The following SRPK1 variants were observed in gnomAD, a reference collection of about 807,000 sequenced individuals.
SRPK1 encodes the protein SRSF protein kinase 1.
A neutral mutation model predicts 89.5 loss-of-function variants in SRPK1; 52 were observed. That is an observed-to-expected ratio of 0.58 (90% CI 0.46 to 0.73). The LOEUF (loss-of-function observed/expected upper bound fraction) is 0.73. Among genes scored for constraint, SRPK1 ranks in the 30% least tolerant of loss-of-function variants. SRPK1 has a pLI of 0.00. For missense variants in SRPK1, 603 were observed against 780.6 expected, an observed-to-expected ratio of 0.77 and a Z score of 2.71; for synonymous variants, 255 against 270.2, an observed-to-expected ratio of 0.94 and a Z score of 0.55.
chr6:35,879,361 A>T (rs1288554676), intron 6 of SRPK1, among the ~76,000 whole-genome samples: 2 of 151,958 alleles, frequency 1.3e-5, no homozygotes, highest in African/African-American at 2.4e-5. Flanking sequence ...AGCCTGGGCA[A>T]CATAGCAAGA....
chr6:35,874,013 G>A (rs980174716), intron 7 of SRPK1, among the ~76,000 whole-genome samples: 2 of 150,728 alleles, frequency 1.3e-5, no homozygotes, highest in African/African-American at 4.9e-5. Context: ...ATTTTGAGTA[G>A]AGAGGAGGTT....
chr6:35,839,636 C>T (rs1463322285), intron 14 of SRPK1, among the ~76,000 whole-genome samples: 1 of 135,640 alleles, frequency 7.4e-6, no homozygotes, highest in Admixed American at 7.3e-5. Flanking sequence ...TACTGCCCCC[C>T]CCCTTTTTTT....
chr6:35,917,863 A>G (rs1771145874), intron 2 of SRPK1, among the ~76,000 whole-genome samples: 1 of 152,252 alleles, frequency 6.6e-6, no homozygotes, highest in Admixed American at 6.5e-5. Context: ...GGATATATAC[A>G]TAAGACTGTT....
rs1442421674 is a variant in SRPK1, at chr6:35,863,068, T to C, written c.1513-5700A>G. 2.6e-5 allele frequency among the ~76,000 whole-genome samples: 4 copies of C among 152,120 alleles called. No homozygotes were observed. In the East Asian group the frequency reaches 5.8e-4, roughly 22 times the overall value. Reference sequence around the variant, plus strand: ...CAGGAGGCTGAGCCAGGAGGATCGCTTGAGCCCAGGAGATTGAAGCTGCAG... The same window carrying C: ...CAGGAGGCTGAGCCAGGAGGATCGCCTGAGCCCAGGAGATTGAAGCTGCAG... On this transcript the variant is annotated intron_variant, in intron 12 of 15. Coordinates refer to ENST00000373825, the MANE Select transcript of SRPK1 (RefSeq NM_003137.5).
rs761411483 is a variant in SRPK1 at position 35,834,753 on chromosome 6, T to TA, written c.*550dup. On this transcript the variant is annotated 3_prime_UTR_variant, in exon 16 of 16. Coordinates refer to ENST00000373825, the MANE Select transcript of SRPK1 (RefSeq NM_003137.5). ...CAAATTTGGTGTTCATATAGCTATT[T>TA]AAAAAAGACAGTAGCTTAAAAGTTG... The TA allele has an allele frequency of 6.6e-6, 1 of 152,222 alleles. No individual in the cohort carries two copies. The highest frequency in any genetic ancestry group is 1.9e-4 in the East Asian group (1 of 5,182). The allele number at this position is 152,222 out of a possible 1,614,324, so 9.4% of individuals were successfully genotyped here.
At chr6:35,901,676 T>C (rs921604507) in intron 2 of SRPK1, among the ~76,000 whole-genome samples, 1 of 152,290 alleles carries the variant, frequency 6.6e-6, no homozygotes, top group African/African-American at 2.4e-5. Context: ...CTTATTTAGA[T>C]GTGATGCAAA....
At chr6:35,844,061 G>C (rs1341647327) in intron 13 of SRPK1, among the ~76,000 whole-genome samples, 1 of 144,750 alleles carries the variant, frequency 6.9e-6, no homozygotes, top group Non-Finnish European at 1.5e-5. Context: ...CTGGAGTGCA[G>C]TGGCACAATC....
At position 35,833,117 on chromosome 6, in the gene SRPK1, T is replaced by C. The variant is rs189494916; in HGVS notation, c.*2187A>G. ...TCAGTAGAAAGAATAAAAATGTATT[T>C]AGGGCTTTATTTTTAACTGACAGCA... On this transcript the variant is annotated 3_prime_UTR_variant, in exon 16 of 16. Coordinates refer to ENST00000373825, the MANE Select transcript of SRPK1 (RefSeq NM_003137.5). 7.9e-5 allele frequency: 12 copies of C among 152,758 alleles called. No homozygotes were observed. Among genetic ancestry groups the C allele is most frequent in the African/African-American group, 2.9e-4 (12 of 41,576 alleles). The allele number at this position is 152,758 out of a possible 1,614,324, so 9.5% of individuals were successfully genotyped here.
intron 15 of SRPK1, among the ~76,000 whole-genome samples, chr6:35,837,287 T>G (rs1353717653): frequency 1.3e-5 from 2 of 152,194 alleles, no homozygotes; most frequent in African/African-American, 4.8e-5. Context: ...TGAGATGTAG[T>G]CCCTGCCCTT....
chr6:35,844,662 G>T (rs6910906), intron 13 of SRPK1, among the ~76,000 whole-genome samples: 47,878 of 151,920 alleles, frequency 0.32, 7,776 homozygotes, highest in South Asian at 0.42. Context: ...TTACATTTCA[G>T]TTGTTTATTA....
At chr6:35,880,981 C>T (rs1357434534) in intron 6 of SRPK1, among the ~76,000 whole-genome samples, 1 of 151,872 alleles carries the variant, frequency 6.6e-6, no homozygotes, top group Non-Finnish European at 1.5e-5. Flanking sequence ...GGGATCCTCA[C>T]TAAGATTATC....
intron 2 of SRPK1, among the ~76,000 whole-genome samples, chr6:35,892,497 T>C (rs1465069507): frequency 6.6e-6 from 1 of 151,902 alleles, no homozygotes; most frequent in African/African-American, 2.4e-5. Flanking sequence ...ATTAAAAATA[T>C]AAAAATTAGC....
Position 35,869,835 on chromosome 6 carries a change from T to G in SRPK1, c.1058A>C (p.Glu353Ala). The G allele has an allele frequency of 1.2e-6, 2 of 1,611,006 alleles. No individual in the cohort carries two copies. Among genetic ancestry groups the G allele is most frequent in the Non-Finnish European group, 1.7e-6 (2 of 1,178,450 alleles). The change falls in exon 11 of 16, where the codon GAA becomes GCA. Residue 353 changes from glutamate to alanine, a missense_variant. By Grantham distance (107) the Glu-to-Ala change is moderately radical. Coordinates refer to ENST00000373825, the MANE Select transcript of SRPK1 (RefSeq NM_003137.5). ...MERDTEGGAA[E>A]INCNGVIEVI... is the part of the protein sequence containing the mutation. ...TTCAATCACTCCATTGCAATTAATT[T>G]CTGCTGCACCACCCTCTGTATCACG...
intron 12 of SRPK1, among the ~76,000 whole-genome samples, chr6:35,861,283 C>A (rs139754752): frequency 6.6e-6 from 1 of 152,278 alleles, no homozygotes; most frequent in African/African-American, 2.4e-5. Flanking sequence ...GTTTTATGAT[C>A]TTGGTTATGG....
intron 6 of SRPK1, 119 bp downstream of exon 6, chr6:35,886,605 A>C: frequency 1.5e-6 from 1 of 689,540 alleles, no homozygotes; most frequent in Non-Finnish European, 2.6e-6. Context: ...GTACAATAAA[A>C]GAGGTAATTT....
Position 35,862,922 on chromosome 6 carries a change from T to C in SRPK1, c.1513-5554A>G, listed in dbSNP as rs115409274. On this transcript the variant is annotated intron_variant, in intron 12 of 15. Coordinates refer to ENST00000373825, the MANE Select transcript of SRPK1 (RefSeq NM_003137.5). ...GCTCACATCTGTAATCCTAGCACTT[T>C]TGGAGGCTAAGGTGCTTGAGCCCAG... Among the ~76,000 whole-genome samples, 564 of 152,214 alleles carry C rather than the reference T, an allele frequency of 3.7e-3. 2 individuals carry two copies. Among genetic ancestry groups the C allele is most frequent in the African/African-American group, 0.013 (527 of 41,528 alleles).
chr6:35,909,007 G>T (rs1192879114), intron 2 of SRPK1, among the ~76,000 whole-genome samples: 2 of 152,254 alleles, frequency 1.3e-5, no homozygotes, highest in Non-Finnish European at 2.9e-5. Context: ...AGCCCTCATG[G>T]AGAACCTGTG....
chr6:35,872,791 G>T (rs1770060843), intron 7 of SRPK1, 63 bp from the exon 8 acceptor site: 8 of 1,331,594 alleles, frequency 6.0e-6, no homozygotes, highest in East Asian at 2.9e-5. Flanking sequence ...AGAAGTAAGA[G>T]ATTATAACAT....
chr6:35,863,083 T>C (rs1368547016), intron 12 of SRPK1, among the ~76,000 whole-genome samples: 2 of 150,306 alleles, frequency 1.3e-5, no homozygotes, highest in African/African-American at 4.9e-5. Context: ...CCCAGGAGAT[T>C]GAAGCTGCAG....
Sources: allele counts gnomAD v4.1 joint callset (sites outside exome capture counted in the v4.1 genomes callset), GRCh38; gene constraint gnomAD v4.1.1; transcripts MANE v1.5; gene names NCBI Gene and HGNC (gene_info 2026-07-23, HGNC 2026-07-21).